MTUS2: variants seen among roughly 807,000 people sequenced by gnomAD.
The protein encoded by MTUS2 is microtubule-associated tumor suppressor candidate 2.
MTUS2 carries 40 observed loss-of-function variants against 114.1 expected under a neutral mutation model. That is an observed-to-expected ratio of 0.35 (90% CI 0.27 to 0.46). The LOEUF (loss-of-function observed/expected upper bound fraction) is 0.46. Among genes scored for constraint, MTUS2 ranks in the 20% least tolerant of loss-of-function variants. The probability of loss-of-function intolerance (pLI) is 1.00; values close to 1 mark genes in which losing one functional copy is unlikely to be tolerated. For synonymous variants in MTUS2, 688 were observed against 672.0 expected (o/e 1.02, Z -0.37); for missense variants, 1,679 against 1,705.4 (o/e 0.98, Z 0.27).
At chr13:29,488,038 G>A in intron 11 of MTUS2, 33 bp downstream of exon 11, 1 of 1,532,966 alleles carries the variant, frequency 6.5e-7, no homozygotes, top group Non-Finnish European at 9.0e-7. Context: ...GCAGGCAGGG[G>A]TGGGTGGTGC....
chr13:29,495,377 A>C (rs1882482990), intron 12 of MTUS2, among the ~76,000 whole-genome samples: 1 of 149,292 alleles, frequency 6.7e-6, no homozygotes, highest in East Asian at 2.0e-4. Context: ...AAAAAAAAAA[A>C]AAAGGAAGTA....
At chr13:29,127,488 A>G (rs1315356961) in intron 5 of MTUS2, among the ~76,000 whole-genome samples, 1 of 152,148 alleles carries the variant, frequency 6.6e-6, no homozygotes, top group Non-Finnish European at 1.5e-5. Flanking sequence ...AAAGGCCTTA[A>G]AGAGCAAAAC....
intron 5 of MTUS2, among the ~76,000 whole-genome samples, chr13:29,245,030 A>T (rs1316968779): frequency 6.7e-6 from 1 of 150,346 alleles, no homozygotes; most frequent in Non-Finnish European, 1.5e-5. Context: ...AGGCTAGGGT[A>T]TTGGATGTAT....
chr13:29,290,828 A>C (rs1024934616), intron 6 of MTUS2, among the ~76,000 whole-genome samples: 6 of 152,174 alleles, frequency 3.9e-5, no homozygotes, highest in African/African-American at 9.7e-5. Context: ...CCATATGTGC[A>C]GTCGTGGCTG....
At chr13:29,050,179 G>A (rs1160174276) in intron 4 of MTUS2, among the ~76,000 whole-genome samples, 3 of 152,016 alleles carry the variant, frequency 2.0e-5, no homozygotes, top group Non-Finnish European at 4.4e-5. Context: ...CCCAAAAAGT[G>A]TTTTCTTTTT....
chr13:28,908,676 C>G (rs1283784045), intron 2 of MTUS2, among the ~76,000 whole-genome samples: 2 of 151,432 alleles, frequency 1.3e-5, no homozygotes, highest in East Asian at 3.9e-4. Flanking sequence ...ATGGCTGGGT[C>G]AAATGGTATT....
intron 6 of MTUS2, among the ~76,000 whole-genome samples, chr13:29,285,003 G>A (rs1253351498): frequency 1.3e-5 from 2 of 152,024 alleles, no homozygotes; most frequent in Admixed American, 1.3e-4. Context: ...ATCTTGCCAT[G>A]CTAGCTGGCT....
intron 5 of MTUS2, among the ~76,000 whole-genome samples, chr13:29,280,205 ATATTTTTTATCTGCAT>A (rs1296769261): frequency 7.9e-5 from 12 of 152,224 alleles, no homozygotes; most frequent in African/African-American, 2.9e-4. Flanking sequence ...TGCATCAAAC[ATATTTTTTATCTGCAT>A]TATTTTTTAT....
intron 2 of MTUS2, among the ~76,000 whole-genome samples, chr13:29,011,837 C>G (rs1885857121): frequency 6.6e-6 from 1 of 152,166 alleles, no homozygotes; most frequent in South Asian, 2.1e-4. Flanking sequence ...TAATTGCTTT[C>G]TGGTTGCATC....
intron 2 of MTUS2, among the ~76,000 whole-genome samples, chr13:28,875,238 A>G (rs1056429832): frequency 6.6e-6 from 1 of 152,234 alleles, no homozygotes; most frequent in Non-Finnish European, 1.5e-5. Flanking sequence ...AAATGAATGA[A>G]TAAACAAATC....
intron 1 of MTUS2, among the ~76,000 whole-genome samples, chr13:28,836,385 T>G (rs1455420808): frequency 2.6e-5 from 4 of 152,234 alleles, no homozygotes; most frequent in Non-Finnish European, 5.9e-5. Flanking sequence ...CATGGTATAC[T>G]GGTTTTGAGT....
At chr13:29,145,303 C>T (rs997861595) in intron 5 of MTUS2, among the ~76,000 whole-genome samples, 18 of 152,172 alleles carry the variant, frequency 1.2e-4, no homozygotes, top group African/African-American at 3.4e-4. Flanking sequence ...GGGTGGATCA[C>T]GAGGTCAGAA....
chr13:29,176,583 C>A (rs1298962142), intron 5 of MTUS2, among the ~76,000 whole-genome samples: 2 of 152,190 alleles, frequency 1.3e-5, no homozygotes, highest in African/African-American at 4.8e-5. Context: ...GGCCCACTCT[C>A]TGCTTCATGA....
intron 5 of MTUS2, among the ~76,000 whole-genome samples, chr13:29,134,485 T>C (rs1891892150): frequency 6.6e-6 from 1 of 152,238 alleles, no homozygotes; most frequent in Non-Finnish European, 1.5e-5. Flanking sequence ...CAACTATTAC[T>C]ATAGAATGAT....
At chr13:29,148,699 C>G (rs1474439633) in intron 5 of MTUS2, among the ~76,000 whole-genome samples, 1 of 120,498 alleles carries the variant, frequency 8.3e-6, no homozygotes, top group Non-Finnish European at 1.9e-5. Context: ...GGGATGGTCT[C>G]GATCTCCTGA....
At position 29,116,949 on chromosome 13, in the gene MTUS2, GA is replaced by G. The variant is rs1448487887; in HGVS notation, c.2644+15980del. On this transcript the variant is annotated intron_variant, in intron 5 of 15. Coordinates refer to ENST00000612955, the MANE Select transcript of MTUS2 (RefSeq NM_001033602.4). The stretch of plus-strand genomic sequence containing the variant: ...TTGACCCTGGGTAACTAAAACCATG[GA>G]TAAGGGGGGACTACTGTACTAATTT... Among the ~76,000 whole-genome samples the G allele has an allele frequency of 3.3e-5, 5 of 152,270 alleles. No individual in the cohort carries two copies. In the East Asian group the frequency reaches 7.7e-4, roughly 24 times the overall value.
chr13:28,937,847 G>T (rs1788736852), intron 2 of MTUS2, among the ~76,000 whole-genome samples: 1 of 152,146 alleles, frequency 6.6e-6, no homozygotes, highest in Non-Finnish European at 1.5e-5. Flanking sequence ...TGACCTCTAG[G>T]TCTGAAGACA....
intron 5 of MTUS2, among the ~76,000 whole-genome samples, chr13:29,217,272 T>C (rs1008887301): frequency 7.2e-5 from 11 of 152,200 alleles, no homozygotes; most frequent in African/African-American, 2.7e-4. Flanking sequence ...TTCTTCATGA[T>C]CCATTATTTT....
intron 2 of MTUS2, among the ~76,000 whole-genome samples, chr13:28,858,786 G>A (rs1214007310): frequency 6.6e-6 from 1 of 152,168 alleles, no homozygotes; most frequent in African/African-American, 2.4e-5. Flanking sequence ...AAATCTGGAA[G>A]AACAGGGAAG....
Sources: allele counts gnomAD v4.1 joint callset (sites outside exome capture counted in the v4.1 genomes callset), GRCh38; gene constraint gnomAD v4.1.1; transcripts MANE v1.5; gene names NCBI Gene and HGNC (gene_info 2026-07-23, HGNC 2026-07-21).